The following ASIC2 variants were observed in gnomAD, a reference collection of about 807,000 sequenced individuals.
ASIC2 encodes acid-sensing ion channel 2.
In ASIC2, 25 loss-of-function variants were observed where a neutral mutation model predicts 57.3. The ratio of observed to expected loss-of-function variants is 0.44; its 90% CI spans 0.32 to 0.61. ASIC2 has a LOEUF of 0.61. Ranked by LOEUF, ASIC2 falls within the 20% of genes least tolerant of loss-of-function variation. The pLI is 0.06. For missense variants in ASIC2, 641 were observed against 738.1 expected, an observed-to-expected ratio of 0.87 and a Z score of 1.52; for synonymous variants, 319 against 307.5, an observed-to-expected ratio of 1.04 and a Z score of -0.39.
intron 1 of ASIC2, among the ~76,000 whole-genome samples, chr17:33,265,892 G>T (rs1384571656): frequency 6.6e-6 from 1 of 152,080 alleles, no homozygotes; most frequent in East Asian, 1.9e-4. Context: ...CTCATCTTGA[G>T]TTTCTCATAA....
In ASIC2 at chr17:33,146,413, G is replaced by T. The variant is rs377426175; in HGVS notation, c.709-34346C>A. Among the ~76,000 whole-genome samples, 11 of 152,302 alleles carry T rather than the reference G, an allele frequency of 7.2e-5. No individual in the cohort carries two copies. The East Asian group carries it at 2.1e-3, about 29-fold the overall frequency. ...CCCAGAATCAAGGTGGCAGAGTGGG[G>T]TTTGAAGCCCACTTGGCTGGCTGCG... On this transcript the variant is annotated intron_variant, in intron 1 of 9. Coordinates refer to ENST00000225823, the MANE Select transcript of ASIC2 (RefSeq NM_183377.2).
At chr17:33,744,462 A>C (rs1187493808) in intron 1 of ASIC2, among the ~76,000 whole-genome samples, 1 of 152,234 alleles carries the variant, frequency 6.6e-6, no homozygotes, top group Non-Finnish European at 1.5e-5. Context: ...GTGAGCACTG[A>C]GGAGCAAGCA....
At chr17:33,864,156 G>C (rs1567738518) in intron 1 of ASIC2, among the ~76,000 whole-genome samples, 1 of 151,908 alleles carries the variant, frequency 6.6e-6, no homozygotes, top group African/African-American at 2.4e-5. Context: ...GCTCCCTTCG[G>C]CCCCCCACCC....
intron 1 of ASIC2, among the ~76,000 whole-genome samples, chr17:33,255,284 C>T (rs1909025353): frequency 6.6e-6 from 1 of 152,034 alleles, no homozygotes; most frequent in Non-Finnish European, 1.5e-5. Context: ...AAATGATCCA[C>T]TCACCTCGGC....
intron 1 of ASIC2, among the ~76,000 whole-genome samples, chr17:33,766,814 G>A (rs1230388654): frequency 1.3e-5 from 2 of 152,144 alleles, no homozygotes; most frequent in Non-Finnish European, 2.9e-5. Context: ...GTTTATTCCT[G>A]TGCTATTTCC....
chr17:33,481,988 C>A (rs957445476), intron 1 of ASIC2, among the ~76,000 whole-genome samples: 1 of 152,248 alleles, frequency 6.6e-6, no homozygotes, highest in Non-Finnish European at 1.5e-5. Flanking sequence ...CTGCTGCCCT[C>A]TCCTTTCTTT....
intron 1 of ASIC2, among the ~76,000 whole-genome samples, chr17:34,060,567 G>A (rs1341850634): frequency 1.3e-5 from 2 of 152,114 alleles, no homozygotes; most frequent in Non-Finnish European, 2.9e-5. Context: ...CCAGAGAAAG[G>A]TGAAGCCCAA....
intron 1 of ASIC2, among the ~76,000 whole-genome samples, chr17:33,584,350 G>T (rs1904543783): frequency 6.6e-6 from 1 of 152,168 alleles, no homozygotes; most frequent in South Asian, 2.1e-4. Flanking sequence ...TAGTTCTCTT[G>T]TGGGGTGGCT....
chr17:33,785,027 A>G (rs1490923), intron 1 of ASIC2, among the ~76,000 whole-genome samples: 99,781 of 151,954 alleles, frequency 0.66, 33,682 homozygotes, highest in Middle Eastern at 0.73. Context: ...AAAAATTCCT[A>G]TGTTGAAGTC....
chr17:33,222,333 A>G (rs1232526923), intron 1 of ASIC2, among the ~76,000 whole-genome samples: 3 of 152,262 alleles, frequency 2.0e-5, no homozygotes, highest in Non-Finnish European at 4.4e-5. Context: ...ACAAAAGGTC[A>G]CAGGTTGTAT....
intron 1 of ASIC2, among the ~76,000 whole-genome samples, chr17:33,448,572 G>C (rs1912126915): frequency 6.6e-6 from 1 of 152,196 alleles, no homozygotes; most frequent in African/African-American, 2.4e-5. Context: ...TACAAGCCAA[G>C]GGGTGCTGGC....
At chr17:33,398,984 G>A (rs1910182858) in intron 1 of ASIC2, among the ~76,000 whole-genome samples, 2 of 152,202 alleles carry the variant, frequency 1.3e-5, no homozygotes, top group African/African-American at 4.8e-5. Context: ...TACCTTGGAA[G>A]TGATTTAGCT....
intron 1 of ASIC2, among the ~76,000 whole-genome samples, chr17:33,914,565 G>T (rs1915543741): frequency 6.6e-6 from 1 of 152,114 alleles, no homozygotes; most frequent in African/African-American, 2.4e-5. Context: ...GTCTTCTGAT[G>T]GGGAAGCCAA....
At position 34,141,690 on chromosome 17, in the gene ASIC2, C is replaced by T. The variant is rs551846415; in HGVS notation, c.555+14288G>A. Among the ~76,000 whole-genome samples the T allele has an allele frequency of 5.9e-5, 9 of 152,304 alleles. No homozygotes were observed. The South Asian group carries it at 1.9e-3, about 32-fold the overall frequency. On this transcript the variant is annotated intron_variant, in intron 1 of 9. Coordinates refer to the ASIC2 transcript ENST00000359872. ...GGAGATTGGCTGGTAGATTCCTGGA[C>T]ATGCTAAGCGTTGGTAAATTCTTGC...
chr17:33,021,162 T>TTCCCCCCC, intron 7 of ASIC2, 57 bp downstream of exon 7: 3 of 694,008 alleles, frequency 4.3e-6, no homozygotes, highest in Non-Finnish European at 5.3e-6. Context: ...CTGTGCATCC[T>TTCCCCCCC]CCCTCCCTCC....
intron 1 of ASIC2, among the ~76,000 whole-genome samples, chr17:34,075,904 C>T (rs1305213510): frequency 4.8e-5 from 7 of 145,894 alleles, no homozygotes; most frequent in African/African-American, 1.6e-4. Context: ...TCATAGCTCA[C>T]TGCAACCTCT....
At chr17:33,273,249 T>C (rs757791684) in intron 1 of ASIC2, among the ~76,000 whole-genome samples, 1 of 152,242 alleles carries the variant, frequency 6.6e-6, no homozygotes, top group Non-Finnish European at 1.5e-5. Context: ...GTGACTGTTT[T>C]TACTGCGTGA....
intron 1 of ASIC2, among the ~76,000 whole-genome samples, chr17:33,162,557 CAGCTGTAGGCTG>C (rs1481804655): frequency 6.6e-6 from 1 of 152,194 alleles, no homozygotes; most frequent in East Asian, 1.9e-4. Context: ...ACCCCACTCC[CAGCTGTAGGCTG>C]AGCCCTGATC....
intron 2 of ASIC2, among the ~76,000 whole-genome samples, chr17:33,100,666 G>A (rs1242754644): frequency 6.6e-6 from 1 of 152,132 alleles, no homozygotes; most frequent in Non-Finnish European, 1.5e-5. Flanking sequence ...CATCTAAAAA[G>A]AGCCCTTCAG....
Sources: allele counts gnomAD v4.1 joint callset (sites outside exome capture counted in the v4.1 genomes callset), GRCh38; gene constraint gnomAD v4.1.1; transcripts MANE v1.5; gene names NCBI Gene and HGNC (gene_info 2026-07-23, HGNC 2026-07-21).